Variants in NR2F1-AS1 observed in about 807,000 individuals in gnomAD.
NR2F1-AS1 encodes the protein NR2F1 antisense RNA 1.
intron 4 of NR2F1-AS1, among the ~76,000 whole-genome samples, chr5:93,442,467 C>T (rs1020703369): frequency 5.9e-5 from 9 of 152,174 alleles, no homozygotes; most frequent in African/African-American, 2.2e-4. Flanking sequence ...TGAGATCAAA[C>T]TGCAAGGCAG....
At chr5:93,516,225 G>GT (rs1751399053) in intron 4 of NR2F1-AS1, among the ~76,000 whole-genome samples, 1 of 151,764 alleles carries the variant, frequency 6.6e-6, no homozygotes, top group East Asian at 1.9e-4. Context: ...AGGTCAAAAG[G>GT]TAAGATTACA....
chr5:93,486,934 G>A lies in NR2F1-AS1; in HGVS notation n.638+66827C>T, dbSNP rs532989374. ...GGCTTCATCCCTGGGATGCAAGGCT[G>A]GTTCAACATATGCAAATCAATAAAT... On this transcript the variant is annotated intron_variant and non_coding_transcript_variant, in intron 4 of 5. Coordinates refer to ENST00000660523, the Ensembl canonical transcript of NR2F1-AS1. 1.3e-4 allele frequency among the ~76,000 whole-genome samples: 20 copies of A among 152,236 alleles called. 1 individual carries two copies. Among genetic ancestry groups the A allele is most frequent in the Admixed American group, 5.2e-4 (8 of 15,284 alleles).
intron 4 of NR2F1-AS1, among the ~76,000 whole-genome samples, chr5:93,526,021 G>A (rs1485913339): frequency 6.6e-6 from 1 of 152,032 alleles, no homozygotes; most frequent in Non-Finnish European, 1.5e-5. Context: ...CAGAACTGAA[G>A]GAGATAGACA....
At chr5:93,583,268 T>G (rs1326202848), upstream of NR2F1-AS1, 3 of 148,978 alleles carry the variant, frequency 2.0e-5, no homozygotes, top group East Asian at 2.0e-4. Flanking sequence ...ATTCAATTTT[T>G]GGGTCTCTCT....
chr5:93,409,610 G>C (rs897547543), intron 4 of NR2F1-AS1: 1 of 152,148 alleles, frequency 6.6e-6, no homozygotes, highest in Non-Finnish European at 1.5e-5. Flanking sequence ...CAAATATCCA[G>C]TATCACGACC....
chr5:93,511,479 A>G (rs1471444429), intron 4 of NR2F1-AS1, among the ~76,000 whole-genome samples: 3 of 152,204 alleles, frequency 2.0e-5, no homozygotes, highest in African/African-American at 7.2e-5. Context: ...AATGTTCCTT[A>G]CAGTCAGGTG....
chr5:93,526,802 C>G (rs561118605), intron 4 of NR2F1-AS1, among the ~76,000 whole-genome samples: 1 of 152,290 alleles, frequency 6.6e-6, no homozygotes, highest in African/African-American at 2.4e-5. Context: ...AACACCCCTT[C>G]ACGCTAAAAA....
chr5:93,560,027 T>C lies in NR2F1-AS1; in HGVS notation n.413+3337A>G, dbSNP rs527634352. Among the ~76,000 whole-genome samples the C allele has an allele frequency of 8.5e-5, 13 of 152,302 alleles. No homozygotes were observed. The South Asian group carries it at 2.3e-3, about 27-fold the overall frequency. On this transcript the variant is annotated intron_variant and non_coding_transcript_variant, in intron 2 of 5. Transcript: ENST00000660523. ...GTAGTATCTGTGAAGCACAATAAAA[T>C]GAACCACAATAAAACAAAATATGCC...
intron 4 of NR2F1-AS1, chr5:93,411,498 G>A (rs575770231): frequency 1.7e-4 from 26 of 152,346 alleles, no homozygotes; most frequent in African/African-American, 6.3e-4. Flanking sequence ...CCCAGTCCTA[G>A]AGGCAGTGTA....
chr5:93,465,275 A>T (rs1219614323), intron 4 of NR2F1-AS1, among the ~76,000 whole-genome samples: 1 of 152,262 alleles, frequency 6.6e-6, no homozygotes, highest in Non-Finnish European at 1.5e-5. Flanking sequence ...GGATATGAAC[A>T]GACACTTCTC....
intron 4 of NR2F1-AS1, among the ~76,000 whole-genome samples, chr5:93,532,054 T>C (rs1301028674): frequency 6.6e-6 from 1 of 152,184 alleles, no homozygotes; most frequent in Non-Finnish European, 1.5e-5. Context: ...CATATACTTA[T>C]AGATAAGCTC....
At chr5:93,449,052 T>C (rs534294934) in intron 4 of NR2F1-AS1, among the ~76,000 whole-genome samples, 1 of 152,294 alleles carries the variant, frequency 6.6e-6, no homozygotes, top group South Asian at 2.1e-4. Context: ...TGTTGCAGCA[T>C]AGATGGATTA....
chr5:93,495,629 GA>G (rs902176859), intron 4 of NR2F1-AS1, among the ~76,000 whole-genome samples: 32 of 149,938 alleles, frequency 2.1e-4, no homozygotes, highest in African/African-American at 6.6e-4. Flanking sequence ...ACTCTATTTG[GA>G]AAAAAAAATT....
intron 4 of NR2F1-AS1, among the ~76,000 whole-genome samples, chr5:93,541,122 C>T (rs184037004): frequency 6.6e-6 from 1 of 152,274 alleles, no homozygotes; most frequent in Admixed American, 6.5e-5. Context: ...GTAAGAAATA[C>T]ACAACTGCTT....
chr5:93,567,280 G>A (rs978824749), intron 1 of NR2F1-AS1, among the ~76,000 whole-genome samples: 1 of 151,900 alleles, frequency 6.6e-6, no homozygotes, highest in Non-Finnish European at 1.5e-5. Flanking sequence ...AATTTTTATG[G>A]AACAAACATT....
intron 2 of NR2F1-AS1, among the ~76,000 whole-genome samples, chr5:93,558,411 C>A (rs769469502): frequency 6.6e-6 from 1 of 152,018 alleles, no homozygotes; most frequent in East Asian, 1.9e-4. Context: ...ACCTCCACCC[C>A]CTGGGTTCAA....
At chr5:93,582,332 A>G (rs1023461008), upstream of NR2F1-AS1, among the ~76,000 whole-genome samples, 4 of 151,950 alleles carry the variant, frequency 2.6e-5, no homozygotes, top group African/African-American at 9.7e-5. Flanking sequence ...TTTTAAAATC[A>G]TCTTTGGGAT....
intron 4 of NR2F1-AS1, among the ~76,000 whole-genome samples, chr5:93,473,154 A>G (rs1360283489): frequency 6.6e-6 from 1 of 151,906 alleles, no homozygotes; most frequent in African/African-American, 2.4e-5. Context: ...GCTACAGACA[A>G]TCAAGGAACA....
intron 4 of NR2F1-AS1, among the ~76,000 whole-genome samples, chr5:93,530,108 T>A (rs1751704858): frequency 7.8e-6 from 1 of 127,938 alleles, no homozygotes; most frequent in African/African-American, 3.1e-5. Flanking sequence ...TGAGACGGAG[T>A]CTTGCTCTAT....
Sources: gnomAD v4.1 joint callset for allele counts (sites outside exome capture counted in the v4.1 genomes callset) on GRCh38, gnomAD v4.1.1 for gene constraint, MANE v1.5 for transcripts, NCBI Gene and HGNC (gene_info 2026-07-23, HGNC 2026-07-21) for gene names.